The following ARHGEF3 variants were observed in gnomAD, a reference collection of about 807,000 sequenced individuals.
ARHGEF3 encodes 59.8 kDA protein.
In ARHGEF3, 28 loss-of-function variants were observed where a neutral mutation model predicts 63.2. The observed-to-expected ratio is 0.44, with a 90% CI of 0.33 to 0.61. ARHGEF3 has a LOEUF of 0.61. Among genes scored for constraint, ARHGEF3 ranks in the 20% least tolerant of loss-of-function variants. ARHGEF3 has a pLI of 0.03. For missense variants in ARHGEF3, 533 were observed against 659.3 expected (o/e 0.81, Z 2.10); for synonymous variants, 266 against 254.2 (o/e 1.05, Z -0.44).
intron 4 of ARHGEF3, among the ~76,000 whole-genome samples, chr3:56,866,784 C>T (rs1560005918): frequency 6.6e-6 from 1 of 152,186 alleles, no homozygotes; most frequent in African/African-American, 2.4e-5. Flanking sequence ...TAGTGTTGTG[C>T]ACTCAATAAA....
chr3:56,750,904 TTTAA>T, intron 6 of ARHGEF3, 148 bp downstream of exon 6: 1 of 508,360 alleles, frequency 2.0e-6, no homozygotes, highest in Non-Finnish European at 3.2e-6. Context: ...AAAACTTAAA[TTTAA>T]TTAAAATTTT....
intron 3 of ARHGEF3, among the ~76,000 whole-genome samples, chr3:56,934,350 G>A (rs1432292743): frequency 6.6e-6 from 1 of 152,236 alleles, no homozygotes; most frequent in Non-Finnish European, 1.5e-5. Context: ...CTCTGCCTGG[G>A]CTCCCACTTT....
intron 4 of ARHGEF3, among the ~76,000 whole-genome samples, chr3:56,751,843 T>G (rs1453998182): frequency 6.6e-6 from 1 of 152,164 alleles, no homozygotes; most frequent in Non-Finnish European, 1.5e-5. Context: ...TACTACTGAT[T>G]TGAACAAAGA....
intron 3 of ARHGEF3, among the ~76,000 whole-genome samples, chr3:56,936,776 G>A (rs1395981743): frequency 6.6e-6 from 1 of 152,148 alleles, no homozygotes; most frequent in Non-Finnish European, 1.5e-5. Context: ...CTGGACTGCA[G>A]TCGCACAATC....
chr3:56,968,197 A>T lies in ARHGEF3; in HGVS notation c.63-9308T>A, dbSNP rs866446792. Among the ~76,000 whole-genome samples, 12 of 16,000 alleles carry T rather than the reference A, an allele frequency of 7.5e-4. No homozygotes were observed. In the East Asian group the frequency reaches 0.028, roughly 38 times the overall value. 10.5% of individuals were successfully genotyped at this position (16,000 alleles called of 152,430 possible). A position where few individuals can be genotyped will look rare whatever the true frequency, so the allele number is the denominator to read the frequency against. On this transcript the variant is annotated intron_variant, in intron 2 of 12. Coordinates refer to the ARHGEF3 transcript ENST00000338458. ...ATATATAAAAATATATATTATATAT[A>T]ATATATAAAAATATATATTATATAT...
chr3:56,973,442 G>C (rs1360796018), intron 2 of ARHGEF3, among the ~76,000 whole-genome samples: 1 of 152,152 alleles, frequency 6.6e-6, no homozygotes, highest in Non-Finnish European at 1.5e-5. Context: ...GATAGCAAAG[G>C]GCTATGGGAA....
At chr3:57,078,929 C>T in intron 1 of ARHGEF3, 1 of 289,580 alleles carries the variant, frequency 3.5e-6, no homozygotes, top group Non-Finnish European at 6.4e-6. Context: ...CCAGCAGGAG[C>T]GACGGCTAGT....
intron 3 of ARHGEF3, among the ~76,000 whole-genome samples, chr3:56,934,877 C>G (rs899174719): frequency 2.6e-5 from 4 of 152,254 alleles, no homozygotes; most frequent in Non-Finnish European, 5.9e-5. Flanking sequence ...TGGCAGCCAG[C>G]TCCACCTGCA....
intron 2 of ARHGEF3, among the ~76,000 whole-genome samples, chr3:56,756,890 A>C (rs1302592555): frequency 6.6e-6 from 1 of 152,018 alleles, no homozygotes; most frequent in Non-Finnish European, 1.5e-5. Flanking sequence ...TGTAACTCAA[A>C]CAGCACCTCC....
intron 4 of ARHGEF3, among the ~76,000 whole-genome samples, chr3:56,808,253 C>A (rs1388202400): frequency 1.3e-5 from 2 of 151,842 alleles, no homozygotes; most frequent in Non-Finnish European, 2.9e-5. Flanking sequence ...CTGAGCTAAT[C>A]CTGTGGATTA....
intron 2 of ARHGEF3, among the ~76,000 whole-genome samples, chr3:56,997,312 C>G (rs888025139): frequency 6.6e-6 from 1 of 152,172 alleles, no homozygotes; most frequent in African/African-American, 2.4e-5. Flanking sequence ...CACTCACATG[C>G]CCTGTGGGGA....
chr3:57,069,758 C>A (rs1310548047), intron 1 of ARHGEF3, among the ~76,000 whole-genome samples: 1 of 152,178 alleles, frequency 6.6e-6, no homozygotes, highest in Non-Finnish European at 1.5e-5. Context: ...TATCCTCCCA[C>A]CTTAGCCTTC....
At chr3:56,886,069 C>T (rs888193669) in intron 3 of ARHGEF3, among the ~76,000 whole-genome samples, 2 of 152,170 alleles carry the variant, frequency 1.3e-5, no homozygotes, top group Non-Finnish European at 2.9e-5. Flanking sequence ...AAAAATAAAA[C>T]AAAGTAATTA....
At chr3:57,034,096 T>C (rs1703849311) in intron 2 of ARHGEF3, among the ~76,000 whole-genome samples, 1 of 151,928 alleles carries the variant, frequency 6.6e-6, no homozygotes, top group Non-Finnish European at 1.5e-5. Context: ...ATTATTGACA[T>C]TACACTAAAA....
At chr3:56,749,848 T>A (rs1475519945) in intron 6 of ARHGEF3, among the ~76,000 whole-genome samples, 1 of 152,052 alleles carries the variant, frequency 6.6e-6, no homozygotes, top group East Asian at 1.9e-4. Context: ...GAAACTCTCA[T>A]CAAGTATCTT....
chr3:56,743,312 C>G (rs2034166889), intron 7 of ARHGEF3, among the ~76,000 whole-genome samples: 1 of 152,192 alleles, frequency 6.6e-6, no homozygotes, highest in African/African-American at 2.4e-5. Flanking sequence ...ACCAGTGAGG[C>G]TGGTGACCAG....
chr3:57,069,778 G>C (rs1705781186), intron 1 of ARHGEF3, among the ~76,000 whole-genome samples: 1 of 152,204 alleles, frequency 6.6e-6, no homozygotes, highest in East Asian at 1.9e-4. Context: ...CCAAGTATGT[G>C]GGACTACAGA....
intron 4 of ARHGEF3, among the ~76,000 whole-genome samples, chr3:56,840,268 C>T (rs2039266980): frequency 6.6e-6 from 1 of 152,098 alleles, no homozygotes; most frequent in Non-Finnish European, 1.5e-5. Flanking sequence ...ATTTAGGGGA[C>T]CATAAATATT....
intron 2 of ARHGEF3, among the ~76,000 whole-genome samples, chr3:56,970,694 T>C (rs970172396): frequency 5.3e-5 from 8 of 152,250 alleles, no homozygotes; most frequent in Admixed American, 5.2e-4. Flanking sequence ...TTTAGCTTCC[T>C]GCGAAGCTTG....
Sources: allele counts gnomAD v4.1 joint callset (sites outside exome capture counted in the v4.1 genomes callset), GRCh38; gene constraint gnomAD v4.1.1; transcripts MANE v1.5; gene names NCBI Gene and HGNC (gene_info 2026-07-23, HGNC 2026-07-21).